The following NAALADL2 variants were observed in gnomAD, a reference collection of about 807,000 sequenced individuals.
NAALADL2 encodes the protein N-acetylated alpha-linked acidic dipeptidase like 2.
NAALADL2 carries 76 observed loss-of-function variants against 87.2 expected under a neutral mutation model. The observed-to-expected ratio is 0.87, with a 90% CI of 0.72 to 1.05. The LOEUF (loss-of-function observed/expected upper bound fraction) is 1.05, where lower values mean the gene tolerates loss of function less well. Among genes scored for constraint, NAALADL2 ranks in the 50% least tolerant of loss-of-function variants. The pLI is 0.00. For missense variants in NAALADL2, 1,089 were observed against 945.8 expected, an observed-to-expected ratio of 1.15 and a Z score of -1.99; for synonymous variants, 354 against 331.0, an observed-to-expected ratio of 1.07 and a Z score of -0.75.
At chr3:175,209,490 G>A (rs960273788) in intron 2 of NAALADL2, among the ~76,000 whole-genome samples, 3 of 151,892 alleles carry the variant, frequency 2.0e-5, no homozygotes, top group East Asian at 1.9e-4. Flanking sequence ...AAATGTCTGT[G>A]GTAATTGTGT....
chr3:175,012,364 C>T (rs1749947772), intron 1 of NAALADL2, among the ~76,000 whole-genome samples: 1 of 151,918 alleles, frequency 6.6e-6, no homozygotes, highest in Non-Finnish European at 1.5e-5. Flanking sequence ...GACGGAGTTT[C>T]ACCGTGTTAG....
chr3:175,592,307 CTTTTTTTTT>C (rs758914649), intron 10 of NAALADL2, among the ~76,000 whole-genome samples: 3 of 43,268 alleles, frequency 6.9e-5, no homozygotes, highest in South Asian at 1.7e-3. Context: ...TTTTTCTTTT[CTTTTTTTTT>C]TTTTTTTTGT....
chr3:174,845,256 G>C (rs1348945286), intron 3 of NAALADL2, among the ~76,000 whole-genome samples: 1 of 152,136 alleles, frequency 6.6e-6, no homozygotes, highest in Admixed American at 6.5e-5. Context: ...AGGCAAATGA[G>C]AGCCTGGCAG....
intron 5 of NAALADL2, among the ~76,000 whole-genome samples, chr3:175,407,135 G>T (rs1712558212): frequency 6.6e-6 from 1 of 152,062 alleles, no homozygotes; most frequent in Non-Finnish European, 1.5e-5. Flanking sequence ...AGTGAGCCAA[G>T]ATCACACCAC....
At chr3:175,450,937 A>T (rs762820000) in intron 6 of NAALADL2, among the ~76,000 whole-genome samples, 81 of 152,242 alleles carry the variant, frequency 5.3e-4, no homozygotes, top group Middle Eastern at 6.8e-3. Context: ...TCTTAAGACC[A>T]TGGGAATGCA....
chr3:175,794,862 C>A (rs1007964809), intron 13 of NAALADL2, among the ~76,000 whole-genome samples: 1 of 152,180 alleles, frequency 6.6e-6, no homozygotes, highest in Admixed American at 6.5e-5. Flanking sequence ...GACTGGGTGG[C>A]TTAAACAACA....
At chr3:175,740,750 C>T (rs916340893) in intron 12 of NAALADL2, among the ~76,000 whole-genome samples, 2 of 152,162 alleles carry the variant, frequency 1.3e-5, no homozygotes, top group Non-Finnish European at 2.9e-5. Flanking sequence ...ACATGTTCCT[C>T]CTCTTACTTT....
chr3:175,239,142 G>A (rs865846938), intron 3 of NAALADL2, among the ~76,000 whole-genome samples: 20 of 152,160 alleles, frequency 1.3e-4, no homozygotes, highest in Admixed American at 7.2e-4. Context: ...AATTCATCGT[G>A]CACTAGAAAG....
intron 5 of NAALADL2, among the ~76,000 whole-genome samples, chr3:175,426,865 G>A (rs1716868465): frequency 6.6e-6 from 1 of 152,122 alleles, no homozygotes; most frequent in Non-Finnish European, 1.5e-5. Flanking sequence ...TAATTATGGT[G>A]TCAGAGAGAG....
At chr3:174,995,584 A>G (rs975990504) in intron 1 of NAALADL2, among the ~76,000 whole-genome samples, 2 of 152,138 alleles carry the variant, frequency 1.3e-5, no homozygotes, top group Admixed American at 6.5e-5. Context: ...TCTGACCTCA[A>G]TTATGCTTCT....
At chr3:174,998,714 G>A (rs1747853849) in intron 1 of NAALADL2, among the ~76,000 whole-genome samples, 3 of 152,102 alleles carry the variant, frequency 2.0e-5, no homozygotes, top group Non-Finnish European at 4.4e-5. Context: ...CAGCACATAG[G>A]AAACTCATCT....
intron 1 of NAALADL2, among the ~76,000 whole-genome samples, chr3:175,006,445 T>C (rs1343106710): frequency 6.6e-6 from 1 of 152,202 alleles, no homozygotes; most frequent in Non-Finnish European, 1.5e-5. Flanking sequence ...ATTCATTTGA[T>C]TGGAACATTA....
chr3:175,111,202 A>G (rs1387189724), intron 2 of NAALADL2, among the ~76,000 whole-genome samples: 2 of 151,774 alleles, frequency 1.3e-5, no homozygotes, highest in Non-Finnish European at 3.0e-5. Flanking sequence ...ATATTTATCC[A>G]ACCTAAGTCT....
chr3:175,164,175 A>G (rs565187082), intron 2 of NAALADL2, among the ~76,000 whole-genome samples: 1 of 152,244 alleles, frequency 6.6e-6, no homozygotes, highest in East Asian at 1.9e-4. Flanking sequence ...ATGCATGCAC[A>G]TTAAAGAAAA....
chr3:174,505,067 A>G (rs1719119187), intron 1 of NAALADL2, among the ~76,000 whole-genome samples: 2 of 152,174 alleles, frequency 1.3e-5, no homozygotes, highest in East Asian at 3.8e-4. Flanking sequence ...AATATACTGT[A>G]GATCATTACT....
chr3:174,727,009 G>A (rs1732261727), intron 2 of NAALADL2, among the ~76,000 whole-genome samples: 1 of 151,866 alleles, frequency 6.6e-6, no homozygotes, highest in Non-Finnish European at 1.5e-5. Flanking sequence ...TGTACTTTTT[G>A]GGTGTCAGAT....
At chr3:175,709,642 T>C (rs1160605506) in intron 11 of NAALADL2, among the ~76,000 whole-genome samples, 1 of 139,844 alleles carries the variant, frequency 7.2e-6, no homozygotes, top group Non-Finnish European at 1.5e-5. Flanking sequence ...GTATATGATA[T>C]TTGAAACTAT....
Position 174,660,746 on chromosome 3 carries a change from AAG to A in NAALADL2, c.-114-76893_-114-76892del, listed in dbSNP as rs142760651. Among the ~76,000 whole-genome samples the A allele has an allele frequency of 8.4e-3, 1,286 of 152,250 alleles. 10 individuals carry two copies. Among genetic ancestry groups the A allele is most frequent in the African/African-American group, 0.029 (1,215 of 41,576 alleles). ...ACATTGTACTTTTTTAATAAACAAA[AAG>A]AACATAATTTTTGCCTTATTATTAA... is the stretch of plus-strand genomic sequence containing the variant. On this transcript the variant is annotated intron_variant, in intron 2 of 3. Coordinates refer to the NAALADL2 transcript ENST00000434257.
intron 11 of NAALADL2, among the ~76,000 whole-genome samples, chr3:175,690,024 G>C (rs1350647066): frequency 6.6e-6 from 1 of 151,928 alleles, no homozygotes; most frequent in Non-Finnish European, 1.5e-5. Flanking sequence ...TTCCTGCACT[G>C]AAAATTATGC....
Sources: allele counts gnomAD v4.1 joint callset (sites outside exome capture counted in the v4.1 genomes callset), GRCh38; gene constraint gnomAD v4.1.1; transcripts MANE v1.5; gene names NCBI Gene and HGNC (gene_info 2026-07-23, HGNC 2026-07-21).